The following FOXL1 variants were observed in gnomAD, a reference collection of about 807,000 sequenced individuals.
FOXL1 encodes the protein forkhead box protein L1.
FOXL1 carries 2 observed loss-of-function variants against 1.7 expected under a neutral mutation model. The observed-to-expected ratio is 1.21, with a 90% CI of 0.49 to 3.80. The LOEUF (loss-of-function observed/expected upper bound fraction) is 3.80, where lower values mean the gene tolerates loss of function less well. FOXL1 is among the 30% of genes most tolerant of loss of function. FOXL1 has a pLI of 0.07. For synonymous variants in FOXL1, 280 were observed against 229.3 expected (o/e 1.22, Z -2.00); for missense variants, 565 against 495.8 (o/e 1.14, Z -1.32).
rs1285622337 is a variant in FOXL1, at chr16:86,578,727, A to C, written c.4A>C (p.Ser2Arg). 1 of 1,601,614 alleles carries C rather than the reference A, an allele frequency of 6.2e-7. No individual in the cohort carries two copies. Among genetic ancestry groups the C allele is most frequent in the Admixed American group, 1.7e-5 (1 of 59,702 alleles). The change falls in exon 1 of 1, where the codon AGT becomes CGT. Residue 2 changes from serine (S) to arginine (R), a missense_variant. By Grantham distance (110) the Ser-to-Arg change is moderately radical. Transcript: ENST00000320241. M[S>R]HLFDPRLPAL... The stretch of plus-strand genomic sequence containing the variant: ...GCAGCGCAGGCTCTCGCTTGCCATG[A>C]GTCACCTCTTCGATCCCCGGCTGCC...
chr16:86,580,016 C>A lies in FOXL1; in HGVS notation c.*255C>A, dbSNP rs1176650315. ...GGGGTCGTGGGCACCGCACGTGGGCCCTGCAGGGACCTCCACCGCGGGAGA... is the reference window on the plus strand; with the variant it reads ...GGGGTCGTGGGCACCGCACGTGGGCACTGCAGGGACCTCCACCGCGGGAGA... On this transcript the variant is annotated 3_prime_UTR_variant, in exon 1 of 1. Coordinates refer to ENST00000320241, the MANE Select transcript of FOXL1 (RefSeq NM_005250.3). The A allele has an allele frequency of 1.1e-5, 6 of 552,792 alleles. No homozygotes were observed. Among genetic ancestry groups the A allele is most frequent in the Admixed American group, 6.3e-5 (2 of 31,670 alleles). The allele number at this position is 552,792 out of a possible 1,614,324, so 34.2% of individuals were successfully genotyped here.
At position 86,579,662 on chromosome 16, in the gene FOXL1, G is replaced by T. The variant is rs972015141; in HGVS notation, c.939G>T (p.Met313Ile). ...SLRPPFNASL[M>I]LDPHVQGGFY... is the part of the protein sequence containing the mutation. Reference sequence around the variant, plus strand: ...GTCCGCCTTTCAACGCTTCCCTGATGCTCGACCCGCATGTCCAGGGCGGCT... The same window carrying T: ...GTCCGCCTTTCAACGCTTCCCTGATTCTCGACCCGCATGTCCAGGGCGGCT... Residue 313 changes from methionine (M) to isoleucine (I), a missense_variant, in exon 1 of 1, where the codon ATG becomes ATT. By Grantham distance (10) the Met-to-Ile change is conservative. Coordinates refer to ENST00000320241, the MANE Select transcript of FOXL1 (RefSeq NM_005250.3). 1.2e-6 allele frequency: 2 copies of T among 1,613,728 alleles called. No individual in the cohort carries two copies. The highest frequency in any genetic ancestry group is 2.7e-5 in the African/African-American group (2 of 74,934).
In FOXL1 at chr16:86,580,041, A is replaced by T. The variant is rs925921014; in HGVS notation, c.*280A>T. On this transcript the variant is annotated 3_prime_UTR_variant, in exon 1 of 1. Coordinates refer to ENST00000320241, the MANE Select transcript of FOXL1 (RefSeq NM_005250.3). ...CCTGCAGGGACCTCCACCGCGGGAGATTCCTTGACGTTTGACCTGTCTAAT... is the reference window on the plus strand; with the variant it reads ...CCTGCAGGGACCTCCACCGCGGGAGTTTCCTTGACGTTTGACCTGTCTAAT... 14 of 511,040 alleles carry T rather than the reference A, an allele frequency of 2.7e-5. No homozygotes were observed. The highest frequency in any genetic ancestry group is 1.1e-5 in the Non-Finnish European group (3 of 274,070). The allele number at this position is 511,040 out of a possible 1,614,324, so 31.7% of individuals were successfully genotyped here.
In FOXL1 at chr16:86,579,457, G is replaced by C; in HGVS notation, c.734G>C (p.Arg245Pro). 4 of 1,554,496 alleles carry C rather than the reference G, an allele frequency of 2.6e-6. No individual in the cohort carries two copies. Among genetic ancestry groups the C allele is most frequent in the Non-Finnish European group, 2.6e-6 (3 of 1,149,734 alleles). The change falls in exon 1 of 1, where the codon CGC becomes CCC. Residue 245 changes from arginine (R) to proline (P), a missense_variant. Coordinates refer to ENST00000320241, the MANE Select transcript of FOXL1 (RefSeq NM_005250.3). Reference protein sequence around the residue: ...RTGDGPGSPLRPASRSSPKSS... With the variant: ...RTGDGPGSPLPPASRSSPKSS... Reference sequence around the variant, plus strand: ...GGGGACGGCCCGGGGTCCCCTCTGCGCCCCGCCTCCCGCAGCTCTCCGAAG... The same window carrying C: ...GGGGACGGCCCGGGGTCCCCTCTGCCCCCCGCCTCCCGCAGCTCTCCGAAG...
At position 86,578,693 on chromosome 16, in the gene FOXL1, G is replaced by A. The variant is rs1460881118; in HGVS notation, c.-31G>A. 6.4e-7 allele frequency: 1 copy of A among 1,563,280 alleles called. No individual in the cohort carries two copies. On this transcript the variant is annotated 5_prime_UTR_variant, in exon 1 of 1. Coordinates refer to ENST00000320241, the MANE Select transcript of FOXL1 (RefSeq NM_005250.3). ...CTAGGCCGCCCGGGTCTCCTGCGTT[G>A]CGGGGAGCGCAGCGCAGGCTCTCGC...
In FOXL1 at chr16:86,579,529, G is replaced by A. The variant is rs780102052; in HGVS notation, c.806G>A (p.Gly269Glu). The change falls in exon 1 of 1, where the codon GGA (glycine) becomes GAA (glutamate). Residue 269 changes from glycine to glutamate, a missense_variant. Transcript: ENST00000320241. ...KSFSIDSILA[G>E]KQGQKPPSGD... ...TTCAGCATAGACAGCATCCTGGCGG[G>A]AAAGCAGGGCCAGAAGCCGCCTTCA... is the stretch of plus-strand genomic sequence containing the variant. 3.1e-6 allele frequency: 5 copies of A among 1,607,606 alleles called. No individual in the cohort carries two copies. Among genetic ancestry groups the A allele is most frequent in the Non-Finnish European group, 3.4e-6 (4 of 1,177,442 alleles).
At position 86,579,971 on chromosome 16, in the gene FOXL1, G is replaced by C; in HGVS notation, c.*210G>C. 1 of 613,534 alleles carries C rather than the reference G, an allele frequency of 1.6e-6. No homozygotes were observed. The highest frequency in any genetic ancestry group is 2.9e-6 in the Non-Finnish European group (1 of 339,018). The allele number at this position is 613,534 out of a possible 1,614,324, so 38.0% of individuals were successfully genotyped here. A position where few individuals can be genotyped will look rare whatever the true frequency, so the allele number is the denominator to read the frequency against. On this transcript the variant is annotated 3_prime_UTR_variant, in exon 1 of 1. Transcript: ENST00000320241. ...TTCCCAGCAACTGGGAGCAGCTACGGAGACTTAAAAGATCCCCGCGGGGTC... is the reference window on the plus strand; with the variant it reads ...TTCCCAGCAACTGGGAGCAGCTACGCAGACTTAAAAGATCCCCGCGGGGTC...
Position 86,582,955 on chromosome 16 carries a change from A to G in FOXL1, c.*3194A>G, listed in dbSNP as rs889653612. ...ATCGCGGAAGACACCCGCTTTGAGA[A>G]CTTTTCCCTCCGTTCACAAGGACAG... is the stretch of plus-strand genomic sequence containing the variant. On this transcript the variant is annotated 3_prime_UTR_variant, in exon 1 of 1. Transcript: ENST00000320241. 2.7e-5 allele frequency among the ~76,000 whole-genome samples: 4 copies of G among 150,496 alleles called. No homozygotes were observed. In the East Asian group the frequency reaches 7.8e-4, roughly 29 times the overall value.
At position 86,580,012 on chromosome 16, in the gene FOXL1, G is replaced by C; in HGVS notation, c.*251G>C. 1.8e-6 allele frequency: 1 copy of C among 560,438 alleles called. No homozygotes were observed. The highest frequency in any genetic ancestry group is 3.3e-6 in the Non-Finnish European group (1 of 303,686). The allele number at this position is 560,438 out of a possible 1,614,324, so 34.7% of individuals were successfully genotyped here. ...CCGCGGGGTCGTGGGCACCGCACGT[G>C]GGCCCTGCAGGGACCTCCACCGCGG... is the stretch of plus-strand genomic sequence containing the variant. On this transcript the variant is annotated 3_prime_UTR_variant, in exon 1 of 1. Coordinates refer to ENST00000320241, the MANE Select transcript of FOXL1 (RefSeq NM_005250.3).
At position 86,580,446 on chromosome 16, in the gene FOXL1, C is replaced by T. The variant is rs1239286307; in HGVS notation, c.*685C>T. 3.0e-5 allele frequency: 5 copies of T among 167,028 alleles called. No homozygotes were observed. 10.3% of individuals were successfully genotyped at this position (167,028 alleles called of 1,614,324 possible). A position where few individuals can be genotyped will look rare whatever the true frequency, so the allele number is the denominator to read the frequency against. ...AGAGACTTTTTCTCTTAATTTCTTT[C>T]TGGGTAGTAAAAAGAACATGTTTCA... On this transcript the variant is annotated 3_prime_UTR_variant, in exon 1 of 1. Coordinates refer to ENST00000320241, the MANE Select transcript of FOXL1 (RefSeq NM_005250.3).
rs566271621 is a variant in FOXL1 at position 86,582,071 on chromosome 16, C to T, written c.*2310C>T. 5 of 152,042 alleles carry T rather than the reference C, an allele frequency of 3.3e-5. No individual in the cohort carries two copies. The highest frequency in any genetic ancestry group is 3.8e-4 in the East Asian group (2 of 5,202). The allele number at this position is 152,042 out of a possible 1,614,324, so 9.4% of individuals were successfully genotyped here. On this transcript the variant is annotated 3_prime_UTR_variant, in exon 1 of 1. Transcript: ENST00000320241. ...AGTTACTATTCCAAAAAGTATTGTACGAATGTTACTTTTATGACACAGAAA... is the reference window on the plus strand; with the variant it reads ...AGTTACTATTCCAAAAAGTATTGTATGAATGTTACTTTTATGACACAGAAA...
In FOXL1 at chr16:86,579,096, C is replaced by T. The variant is rs374419803; in HGVS notation, c.373C>T (p.Leu125=). 7 of 1,614,024 alleles carry T rather than the reference C, an allele frequency of 4.3e-6. No homozygotes were observed. Among genetic ancestry groups the T allele is most frequent in the Middle Eastern group, 3.3e-4 (2 of 6,036 alleles). Residue 125 remains leucine (L), a synonymous_variant, in exon 1 of 1, where the codon CTG becomes TTG. Coordinates refer to ENST00000320241, the MANE Select transcript of FOXL1 (RefSeq NM_005250.3). ...GRPGKGSYWT[L]DPRCLDMFEN... is the part of the protein sequence containing the mutation. ...GCCGGGCAAGGGCAGCTACTGGACG[C>T]TGGACCCCCGCTGCCTGGACATGTT...
In FOXL1 at chr16:86,583,039, A is replaced by T. The variant is rs1170792651; in HGVS notation, c.*3278A>T. 6.7e-6 allele frequency among the ~76,000 whole-genome samples: 1 copy of T among 149,282 alleles called. No homozygotes were observed. The highest frequency in any genetic ancestry group is 6.8e-5 in the Admixed American group (1 of 14,802). Reference sequence around the variant, plus strand: ...CTCATCTAGTTGCTGGCTTTTCTAGAAACAAACGGCCTCCTGGGCCTCCAG... The same window carrying T: ...CTCATCTAGTTGCTGGCTTTTCTAGTAACAAACGGCCTCCTGGGCCTCCAG... On this transcript the variant is annotated 3_prime_UTR_variant, in exon 1 of 1. Transcript: ENST00000320241.
rs1253505664 is a variant in FOXL1, at chr16:86,582,863, A to G, written c.*3102A>G. Reference sequence around the variant, plus strand: ...CTTTAATAGTTTTGTTTCTCTATGTAGTATGAACCAGGGATAACTTTATTG... The same window carrying G: ...CTTTAATAGTTTTGTTTCTCTATGTGGTATGAACCAGGGATAACTTTATTG... On this transcript the variant is annotated 3_prime_UTR_variant, in exon 1 of 1. Coordinates refer to ENST00000320241, the MANE Select transcript of FOXL1 (RefSeq NM_005250.3). Among the ~76,000 whole-genome samples the G allele has an allele frequency of 6.6e-6, 1 of 152,018 alleles. No homozygotes were observed. Among genetic ancestry groups the G allele is most frequent in the Non-Finnish European group, 1.5e-5 (1 of 68,032 alleles).
Position 86,579,959 on chromosome 16 carries a change from G to A in FOXL1, c.*198G>A. On this transcript the variant is annotated 3_prime_UTR_variant, in exon 1 of 1. Transcript: ENST00000320241. ...CGAAGCAAACTTTTCCCAGCAACTG[G>A]GAGCAGCTACGGAGACTTAAAAGAT... The A allele has an allele frequency of 1.6e-6, 1 of 621,526 alleles. No individual in the cohort carries two copies. Among genetic ancestry groups the A allele is most frequent in the Non-Finnish European group, 2.9e-6 (1 of 345,264 alleles). The allele number at this position is 621,526 out of a possible 1,614,324, so 38.5% of individuals were successfully genotyped here. A position where few individuals can be genotyped will look rare whatever the true frequency, so the allele number is the denominator to read the frequency against.
At position 86,581,786 on chromosome 16, in the gene FOXL1, A is replaced by C; in HGVS notation, c.*2025A>C. The C allele has an allele frequency of 6.0e-6, 1 of 166,664 alleles. No homozygotes were observed. 10.3% of individuals were successfully genotyped at this position (166,664 alleles called of 1,614,324 possible). ...TGGGATTATATCTGGGAGTCGTGTT[A>C]GCATCTCAGGAGGCTCTGGCTTCTG... On this transcript the variant is annotated 3_prime_UTR_variant, in exon 1 of 1. Transcript: ENST00000320241.
In FOXL1 at chr16:86,580,406, A is replaced by G. The variant is rs1295677236; in HGVS notation, c.*645A>G. ...GCTGATAACCACCCAGAGCAATAAC[A>G]CTTTTATTTTAAACAGAGACTTTTT... is the stretch of plus-strand genomic sequence containing the variant. On this transcript the variant is annotated 3_prime_UTR_variant, in exon 1 of 1. Transcript: ENST00000320241. 1 of 167,096 alleles carries G rather than the reference A, an allele frequency of 6.0e-6. No individual in the cohort carries two copies. Among genetic ancestry groups the G allele is most frequent in the African/African-American group, 2.4e-5 (1 of 41,464 alleles). The allele number at this position is 167,096 out of a possible 1,614,324, so 10.4% of individuals were successfully genotyped here. A position where few individuals can be genotyped will look rare whatever the true frequency, so the allele number is the denominator to read the frequency against.
chr16:86,580,375 A>G lies in FOXL1; in HGVS notation c.*614A>G, dbSNP rs577971277. On this transcript the variant is annotated 3_prime_UTR_variant, in exon 1 of 1. Transcript: ENST00000320241. Reference sequence around the variant, plus strand: ...GAGGATTTATGACCAATGTTCAGCTATAGAAGCTGATAACCACCCAGAGCA... The same window carrying G: ...GAGGATTTATGACCAATGTTCAGCTGTAGAAGCTGATAACCACCCAGAGCA... 2.4e-5 allele frequency: 4 copies of G among 167,332 alleles called. No homozygotes were observed. The highest frequency in any genetic ancestry group is 3.8e-4 in the East Asian group (2 of 5,198). 10.4% of individuals were successfully genotyped at this position (167,332 alleles called of 1,614,324 possible).
chr16:86,581,423 T>C lies in FOXL1; in HGVS notation c.*1662T>C, dbSNP rs896204152. Reference sequence around the variant, plus strand: ...AGGACATTTCAGGCCGGCAGAGTAATTGGATAATTCACAGGCATAGAGGTG... The same window carrying C: ...AGGACATTTCAGGCCGGCAGAGTAACTGGATAATTCACAGGCATAGAGGTG... On this transcript the variant is annotated 3_prime_UTR_variant, in exon 1 of 1. Coordinates refer to ENST00000320241, the MANE Select transcript of FOXL1 (RefSeq NM_005250.3). 9.6e-5 allele frequency: 16 copies of C among 167,088 alleles called. No individual in the cohort carries two copies. Among genetic ancestry groups the C allele is most frequent in the African/African-American group, 3.6e-4 (15 of 41,448 alleles). The allele number at this position is 167,088 out of a possible 1,614,324, so 10.4% of individuals were successfully genotyped here.
Sources: gnomAD v4.1 joint callset for allele counts (sites outside exome capture counted in the v4.1 genomes callset) on GRCh38, gnomAD v4.1.1 for gene constraint, MANE v1.5 for transcripts, NCBI Gene and HGNC (gene_info 2026-07-23, HGNC 2026-07-21) for gene names.